ZNF562: variants seen among roughly 807,000 people sequenced by gnomAD.
ZNF562 encodes zinc finger protein 562.
A neutral mutation model predicts 17.5 loss-of-function variants in ZNF562; 13 were observed. That is an observed-to-expected ratio of 0.74 (90% confidence interval 0.48 to 1.18). The LOEUF (loss-of-function observed/expected upper bound fraction) is 1.18. Among genes scored for constraint, ZNF562 ranks in the 50% most tolerant of loss-of-function variants. ZNF562 has a pLI of 0.00. For synonymous variants in ZNF562, 163 were observed against 165.4 expected, an observed-to-expected ratio of 0.99 and a Z score of 0.11; for missense variants, 481 against 498.5, an observed-to-expected ratio of 0.96 and a Z score of 0.33.
At chr19:9,656,754 G>T in intron 4 of ZNF562, 101 bp from the exon 5 acceptor site, 1 of 1,196,030 alleles carries the variant, frequency 8.4e-7, no homozygotes, top group Non-Finnish European at 1.2e-6. Context: ...GCCAGGCACG[G>T]TGACTCAGGC....
chr19:9,670,663 G>A (rs1380244134), intron 1 of ZNF562, among the ~76,000 whole-genome samples: 1 of 152,058 alleles, frequency 6.6e-6, no homozygotes, highest in Non-Finnish European at 1.5e-5. Context: ...GTTACTAGAG[G>A]CCAGAAGGGT....
rs1414180389 is a variant in ZNF562 at position 9,659,400 on chromosome 19, G to A, written c.93C>T (p.Asp31=). 5 of 1,551,356 alleles carry A rather than the reference G, an allele frequency of 3.2e-6. No homozygotes were observed. The highest frequency in any genetic ancestry group is 1.7e-4 in the Middle Eastern group (1 of 5,990). The part of the protein sequence containing the change: ...EKTKIGTMVE[D]HRSNSYQDSV... The stretch of plus-strand genomic sequence containing the variant: ...TTACCTGGTAAGAATTTGACCGGTG[G>A]TCCTCTACCATCGTTCCTATCTTTG... Residue 31 remains aspartate, a synonymous_variant, in exon 3 of 6, where the codon GAC becomes GAT. Coordinates refer to ENST00000453372, the MANE Select transcript of ZNF562 (RefSeq NM_001130031.2).
At chr19:9,661,136 T>G (rs1239978793) in intron 1 of ZNF562, among the ~76,000 whole-genome samples, 1 of 152,150 alleles carries the variant, frequency 6.6e-6, no homozygotes, top group Admixed American at 6.6e-5. Flanking sequence ...TACCTATATG[T>G]ATCTATGTAT....
At chr19:9,667,079 A>G (rs559724913) in intron 1 of ZNF562, among the ~76,000 whole-genome samples, 3 of 152,192 alleles carry the variant, frequency 2.0e-5, no homozygotes, top group Non-Finnish European at 4.4e-5. Context: ...CAACAAAACT[A>G]CACGCCAATA....
At chr19:9,656,806 C>T (rs566714203) in intron 4 of ZNF562, among the ~76,000 whole-genome samples, 153 bp from the exon 5 acceptor site, 10 of 151,322 alleles carry the variant, frequency 6.6e-5, no homozygotes, top group East Asian at 3.9e-4. Context: ...GGGTGGATCA[C>T]GAGGTCAGGA....
At position 9,651,941 on chromosome 19, in the gene ZNF562, C is replaced by T. The variant is rs1017750716; in HGVS notation, c.*1008G>A. ...GACCCAGCTGGTCTCGGCAAAAATG[C>T]AAAAGGAGACCTGAATTGCAGAAGA... is the stretch of plus-strand genomic sequence containing the variant. On this transcript the variant is annotated 3_prime_UTR_variant, in exon 6 of 6. Coordinates refer to ENST00000453372, the MANE Select transcript of ZNF562 (RefSeq NM_001130031.2). 7.9e-5 allele frequency: 12 copies of T among 152,136 alleles called. No individual in the cohort carries two copies. The highest frequency in any genetic ancestry group is 1.5e-4 in the Non-Finnish European group (10 of 68,034). 9.4% of individuals were successfully genotyped at this position (152,136 alleles called of 1,614,324 possible). A position where few individuals can be genotyped will look rare whatever the true frequency, so the allele number is the denominator to read the frequency against.
chr19:9,669,736 A>ACG (rs1247612320), intron 1 of ZNF562, among the ~76,000 whole-genome samples: 3 of 70,234 alleles, frequency 4.3e-5, no homozygotes, highest in Non-Finnish European at 6.5e-5. Flanking sequence ...GCGCGCGCGC[A>ACG]CACACACACA....
rs1460707746 is a variant in ZNF562 at position 9,649,393 on chromosome 19, C to A, written c.*3556G>T. On this transcript the variant is annotated 3_prime_UTR_variant, in exon 6 of 6. Coordinates refer to ENST00000453372, the MANE Select transcript of ZNF562 (RefSeq NM_001130031.2). ...ATGTTTAGGAAACAAGAGAGATAACCTTAAATTCTGACCGCCGGTGAGCCA... is the reference window on the plus strand; with the variant it reads ...ATGTTTAGGAAACAAGAGAGATAACATTAAATTCTGACCGCCGGTGAGCCA... 1 of 152,184 alleles carries A rather than the reference C, an allele frequency of 6.6e-6. No individual in the cohort carries two copies. Among genetic ancestry groups the A allele is most frequent in the Non-Finnish European group, 1.5e-5 (1 of 68,038 alleles). The allele number at this position is 152,184 out of a possible 1,614,324, so 9.4% of individuals were successfully genotyped here.
rs1273844446 is a variant in ZNF562, at chr19:9,653,564, G to A, written c.666C>T (p.His222=). The change falls in exon 6 of 6, where the codon CAC becomes CAT. Residue 222 remains histidine, a synonymous_variant. Coordinates refer to ENST00000453372, the MANE Select transcript of ZNF562 (RefSeq NM_001130031.2). The part of the protein sequence containing the change: ...GFKYFASLDN[H]MGIHIGEKLC... ...GTTTCTCTCCAATGTGGATTCCCAT[G>A]TGATTATCAAGGCTTGCAAAATACT... The A allele has an allele frequency of 1.9e-6, 3 of 1,614,126 alleles. No homozygotes were observed. Among genetic ancestry groups the A allele is most frequent in the East Asian group, 4.5e-5 (2 of 44,864 alleles).
chr19:9,673,465 T>A (rs10418101), intron 1 of ZNF562, among the ~76,000 whole-genome samples: 19,039 of 151,960 alleles, frequency 0.13, 1,424 homozygotes, highest in Admixed American at 0.23. Context: ...GCCCGGCTAA[T>A]TTTTGTATTT....
chr19:9,656,101 G>A (rs2043472582), intron 5 of ZNF562, among the ~76,000 whole-genome samples: 1 of 152,076 alleles, frequency 6.6e-6, no homozygotes, highest in Admixed American at 6.6e-5. Flanking sequence ...GGGCTCAAAT[G>A]ATGATCCCAC....
At position 9,643,528 on chromosome 19, in the gene ZNF562, T is replaced by A. The variant is rs1444172661; in HGVS notation, c.*9421A>T. ...TGCCACTGGGTTTACTATTTTCTTATCAAGCAGTTGGAATTTATTTGCTAA... is the reference window on the plus strand; with the variant it reads ...TGCCACTGGGTTTACTATTTTCTTAACAAGCAGTTGGAATTTATTTGCTAA... On this transcript the variant is annotated 3_prime_UTR_variant, in exon 6 of 6. Transcript: ENST00000453372. 1 of 151,850 alleles carries A rather than the reference T, an allele frequency of 6.6e-6. No individual in the cohort carries two copies. The highest frequency in any genetic ancestry group is 2.4e-5 in the African/African-American group (1 of 41,370). 9.4% of individuals were successfully genotyped at this position (151,850 alleles called of 1,614,324 possible). A position where few individuals can be genotyped will look rare whatever the true frequency, so the allele number is the denominator to read the frequency against.
rs2074830537 is a variant in ZNF562, at chr19:9,648,852, G to A, written c.*4097C>T. On this transcript the variant is annotated 3_prime_UTR_variant, in exon 6 of 6. Coordinates refer to ENST00000453372, the MANE Select transcript of ZNF562 (RefSeq NM_001130031.2). ...CAGTTCTAGGTATTGAGTTTTATCA[G>A]TAAATAAACATGATCATCACAGAGG... is the stretch of plus-strand genomic sequence containing the variant. 1 of 151,932 alleles carries A rather than the reference G, an allele frequency of 6.6e-6. No homozygotes were observed. The highest frequency in any genetic ancestry group is 1.5e-5 in the Non-Finnish European group (1 of 68,002). 9.4% of individuals were successfully genotyped at this position (151,932 alleles called of 1,614,324 possible).
In ZNF562 at chr19:9,660,885, C is replaced by T. The variant is rs2043709666; in HGVS notation, c.-130-11G>A. 1.5e-6 allele frequency: 1 copy of T among 670,358 alleles called. No homozygotes were observed. The highest frequency in any genetic ancestry group is 2.7e-5 in the East Asian group (1 of 36,594). 41.5% of individuals were successfully genotyped at this position (670,358 alleles called of 1,614,324 possible). A position where few individuals can be genotyped will look rare whatever the true frequency, so the allele number is the denominator to read the frequency against. On this transcript the variant is annotated splice_polypyrimidine_tract_variant and intron_variant, in intron 1 of 5. Transcript: ENST00000453372. ...GGGTTATCTGAGGCCCTGTTCATACCAATCACCAAACAACAAGCATCAAAC... is the reference window on the plus strand; with the variant it reads ...GGGTTATCTGAGGCCCTGTTCATACTAATCACCAAACAACAAGCATCAAAC...
In ZNF562 at chr19:9,647,801, A is replaced by G; in HGVS notation, c.*5148T>C. The G allele has an allele frequency of 6.6e-6, 1 of 152,356 alleles. No individual in the cohort carries two copies. The highest frequency in any genetic ancestry group is 1.5e-5 in the Non-Finnish European group (1 of 68,042). 9.4% of individuals were successfully genotyped at this position (152,356 alleles called of 1,614,324 possible). A position where few individuals can be genotyped will look rare whatever the true frequency, so the allele number is the denominator to read the frequency against. On this transcript the variant is annotated 3_prime_UTR_variant, in exon 6 of 6. Transcript: ENST00000453372. ...AGGAGGTGGAATTTGCAGTAAGTTG[A>G]GATCACACCATTGCACTCCAGCCTG...
chr19:9,644,190 T>C lies in ZNF562; in HGVS notation c.*8759A>G, dbSNP rs184067606. 1 of 152,288 alleles carries C rather than the reference T, an allele frequency of 6.6e-6. No individual in the cohort carries two copies. Among genetic ancestry groups the C allele is most frequent in the Admixed American group, 6.5e-5 (1 of 15,284 alleles). 9.4% of individuals were successfully genotyped at this position (152,288 alleles called of 1,614,324 possible). ...ATCAGTGATAAAAACGATACATATATACATCTTGTACTGCATCATAAAAAG... is the reference window on the plus strand; with the variant it reads ...ATCAGTGATAAAAACGATACATATACACATCTTGTACTGCATCATAAAAAG... On this transcript the variant is annotated 3_prime_UTR_variant, in exon 6 of 6. Transcript: ENST00000453372.
chr19:9,653,250 C>T lies in ZNF562; in HGVS notation c.980G>A (p.Arg327Lys). Residue 327 changes from arginine to lysine, a missense_variant, in exon 6 of 6, where the codon AGA becomes AAA. Physicochemically the swap from Arg to Lys is conservative, Grantham distance 26. Transcript: ENST00000453372. ...TACATGTTGAGTAAGGTGAGTTGAT[C>T]TAGTGAAGGCTTTCCCACATTCCGT... The part of the protein sequence containing the change: ...KCTECGKAFT[R>K]STHLTQHVRT... 1 of 1,614,152 alleles carries T rather than the reference C, an allele frequency of 6.2e-7. No homozygotes were observed. The highest frequency in any genetic ancestry group is 8.5e-7 in the Non-Finnish European group (1 of 1,180,030).
At chr19:9,665,219 T>TAAAA (rs1175383402) in intron 1 of ZNF562, among the ~76,000 whole-genome samples, 5 of 109,476 alleles carry the variant, frequency 4.6e-5, no homozygotes, top group African/African-American at 1.6e-4. Flanking sequence ...AGACTCTGTC[T>TAAAA]AAAAAAAAAA....
chr19:9,671,090 C>T (rs1027734798), intron 1 of ZNF562, among the ~76,000 whole-genome samples: 13 of 151,674 alleles, frequency 8.6e-5, no homozygotes, highest in Admixed American at 5.3e-4. Context: ...AGGGTGACTA[C>T]ACTTAATACG....
Sources: gnomAD v4.1 joint callset for allele counts (sites outside exome capture counted in the v4.1 genomes callset) on GRCh38, gnomAD v4.1.1 for gene constraint, MANE v1.5 for transcripts, NCBI Gene and HGNC (gene_info 2026-07-23, HGNC 2026-07-21) for gene names.